ZNF596: variants seen among roughly 807,000 people sequenced by gnomAD.
The protein encoded by ZNF596 is zinc finger protein 596.
ZNF596 carries 45 observed loss-of-function variants against 48.3 expected under a neutral mutation model. That is an observed-to-expected ratio of 0.93 (90% confidence interval 0.73 to 1.19). ZNF596 has a LOEUF of 1.19. ZNF596 is among the 50% of genes most tolerant of loss of function. ZNF596 has a pLI of 0.00. For synonymous variants in ZNF596, 270 were observed against 202.0 expected (o/e 1.34, Z -2.85); for missense variants, 848 against 599.7 (o/e 1.41, Z -4.32).
At position 245,849 on chromosome 8, in the gene ZNF596, A is replaced by G; in HGVS notation, c.1002A>G (p.Pro334=). ...AAAGAACTCACAATGGAGAGAAACC[A>G]TATGAATGTCATCTATGTGGAAAAG... ...QHERTHNGEK[P]YECHLCGKAF... is the part of the protein sequence containing the mutation. Residue 334 remains proline, a synonymous_variant, in exon 6 of 6, where the codon CCA becomes CCG. Transcript: ENST00000398612. 1 of 1,614,108 alleles carries G rather than the reference A, an allele frequency of 6.2e-7. No homozygotes were observed. The highest frequency in any genetic ancestry group is 2.2e-5 in the East Asian group (1 of 44,874).
chr8:238,145 T>C (rs1396074411), intron 1 of ZNF596, among the ~76,000 whole-genome samples: 1 of 152,198 alleles, frequency 6.6e-6, no homozygotes, highest in Admixed American at 6.5e-5. Context: ...CTTGGATGTC[T>C]TTCTTATACC....
chr8:245,676 A>G lies in ZNF596; in HGVS notation c.829A>G (p.Lys277Glu). 1.2e-6 allele frequency: 2 copies of G among 1,614,084 alleles called. No individual in the cohort carries two copies. The highest frequency in any genetic ancestry group is 1.7e-6 in the Non-Finnish European group (2 of 1,179,998). Residue 277 changes from lysine to glutamate, a missense_variant, in exon 6 of 6, where the codon AAA becomes GAA. Physicochemically the swap from Lys to Glu is moderately conservative, Grantham distance 56. Coordinates refer to ENST00000398612, the MANE Select transcript of ZNF596 (RefSeq NM_001042416.3). ...ACATGAGATGATTCACACTAGAGAA[A>G]AAGCACAGATATGCCATCTATGTGG... ...RRHEMIHTRE[K>E]AQICHLCGKA...
intron 2 of ZNF596, among the ~76,000 whole-genome samples, chr8:241,274 G>C (rs1796844618): frequency 6.6e-6 from 1 of 152,124 alleles, no homozygotes; most frequent in Non-Finnish European, 1.5e-5. Flanking sequence ...ATGTGGGTAG[G>C]TGGTGAAAAT....
intron 3 of ZNF596, 23 bp from the exon 4 acceptor site, chr8:243,699 A>G (rs202085971): frequency 1.2e-6 from 2 of 1,611,624 alleles, no homozygotes; most frequent in Admixed American, 1.7e-5. Flanking sequence ...CTCAAAATCC[A>G]TGTATCTTTT....
chr8:237,741 A>T (rs1028430682), intron 1 of ZNF596: 1 of 152,224 alleles, frequency 6.6e-6, no homozygotes, highest in African/African-American at 2.4e-5. Flanking sequence ...AGCCACATAC[A>T]CTTTATTGAA....
chr8:233,061 G>A, intron 1 of ZNF596: 1 of 468,462 alleles, frequency 2.1e-6, no homozygotes, highest in South Asian at 1.5e-5. Context: ...TGGGGCAGGA[G>A]AGTGAGGAGA....
chr8:245,789 G>A lies in ZNF596; in HGVS notation c.942G>A (p.Lys314=), dbSNP rs745651785. 1.2e-6 allele frequency: 2 copies of A among 1,613,412 alleles called. No homozygotes were observed. ...DKPYGCLLCG[K]AFSKCSYLRQ... Reference sequence around the variant, plus strand: ...CATATGGATGTCTCCTATGTGGGAAGGCTTTCAGTAAATGTTCTTACCTTA... The same window carrying A: ...CATATGGATGTCTCCTATGTGGGAAAGCTTTCAGTAAATGTTCTTACCTTA... Residue 314 remains lysine (K), a synonymous_variant, in exon 6 of 6, where the codon AAG becomes AAA. Transcript: ENST00000398612.
chr8:242,232 T>G (rs1796880567), intron 2 of ZNF596, among the ~76,000 whole-genome samples: 2 of 151,314 alleles, frequency 1.3e-5, no homozygotes, highest in Non-Finnish European at 1.5e-5. Flanking sequence ...TTCATCCTTA[T>G]CCATTAACAG....
intron 5 of ZNF596, 46 bp from the exon 6 acceptor site, chr8:245,108 G>C (rs146195146): frequency 1.3e-6 from 2 of 1,520,778 alleles, no homozygotes; most frequent in East Asian, 2.3e-5. Context: ...TAATGAATGA[G>C]TGTGGATAAA....
intron 2 of ZNF596, 41 bp from the exon 3 acceptor site, chr8:242,846 G>C (rs2117100419): frequency 7.0e-7 from 1 of 1,429,006 alleles, no homozygotes; most frequent in East Asian, 2.4e-5. Flanking sequence ...AACATTGGCA[G>C]AGATAGCCCT....
chr8:239,763 G>A lies in ZNF596; in HGVS notation c.-72-1061G>A, dbSNP rs562649310. Among the ~76,000 whole-genome samples, 3 of 152,206 alleles carry A rather than the reference G, an allele frequency of 2.0e-5. No homozygotes were observed. In the South Asian group the frequency reaches 6.2e-4, roughly 32 times the overall value. On this transcript the variant is annotated intron_variant, in intron 1 of 5. Coordinates refer to ENST00000398612, the MANE Select transcript of ZNF596 (RefSeq NM_001042416.3). Reference sequence around the variant, plus strand: ...AATCCCATCATTCAGGGATTTTTATGTGGTGTTCATCAAGTAGGCATAATT... The same window carrying A: ...AATCCCATCATTCAGGGATTTTTATATGGTGTTCATCAAGTAGGCATAATT...
chr8:242,156 A>T (rs1241697079), intron 2 of ZNF596, among the ~76,000 whole-genome samples: 2 of 152,318 alleles, frequency 1.3e-5, no homozygotes, highest in East Asian at 3.9e-4. Context: ...GACCATGGAA[A>T]GTGGCAGGAT....
intron 1 of ZNF596, chr8:237,081 G>A (rs978140744): frequency 7.8e-6 from 1 of 128,890 alleles, no homozygotes; most frequent in African/African-American, 2.9e-5. Context: ...TGATTAATGA[G>A]GGAAAGTTTT....
chr8:240,501 G>A (rs993976723), intron 1 of ZNF596: 10 of 197,024 alleles, frequency 5.1e-5, no homozygotes, highest in African/African-American at 1.9e-4. Flanking sequence ...TTATCTGTAG[G>A]TGGAGCCACA....
Position 245,685 on chromosome 8 carries a change from A to C in ZNF596, c.838A>C (p.Ile280Leu). The part of the protein sequence containing the change: ...EMIHTREKAQ[I>L]CHLCGKAFTH... ...GATTCACACTAGAGAAAAAGCACAG[A>C]TATGCCATCTATGTGGGAAAGCCTT... The change falls in exon 6 of 6, where the codon ATA becomes CTA. Residue 280 changes from isoleucine to leucine, a missense_variant. Coordinates refer to ENST00000398612, the MANE Select transcript of ZNF596 (RefSeq NM_001042416.3). 1 of 1,613,716 alleles carries C rather than the reference A, an allele frequency of 6.2e-7. No homozygotes were observed. The highest frequency in any genetic ancestry group is 8.5e-7 in the Non-Finnish European group (1 of 1,179,902).
At chr8:243,997 C>G (rs976156371) in intron 4 of ZNF596, 192 bp downstream of exon 4, 1 of 426,336 alleles carries the variant, frequency 2.3e-6, no homozygotes, top group African/African-American at 2.1e-5. Context: ...AAGTGATTCT[C>G]TTGCCTCAGC....
At position 244,599 on chromosome 8, in the gene ZNF596, T is replaced by C; in HGVS notation, c.224-20T>C. On this transcript the variant is annotated intron_variant, in intron 4 of 5. Transcript: ENST00000398612. Reference sequence around the variant, plus strand: ...TCCCCTAATGCCTATATAGCATCTTTTTTTTTTCATTTATTTCAGGTAGAG... The same window carrying C: ...TCCCCTAATGCCTATATAGCATCTTCTTTTTTTCATTTATTTCAGGTAGAG... The C allele has an allele frequency of 6.3e-7, 1 of 1,588,166 alleles. No homozygotes were observed. The highest frequency in any genetic ancestry group is 2.2e-5 in the East Asian group (1 of 44,714).
intron 2 of ZNF596, 113 bp from the exon 3 acceptor site, chr8:242,774 T>G (rs985385325): frequency 4.8e-6 from 5 of 1,036,834 alleles, no homozygotes; most frequent in Non-Finnish European, 6.4e-6. Context: ...AACACTGTTT[T>G]GAGTTTTCTG....
chr8:245,751 T>C lies in ZNF596; in HGVS notation c.904T>C (p.Leu302=). 1 of 1,611,102 alleles carries C rather than the reference T, an allele frequency of 6.2e-7. No homozygotes were observed. ...SDLRKHERTH[L]GDKPYGCLLC... The stretch of plus-strand genomic sequence containing the variant: ...CCTTAGAAAACATGAGAGAACTCAC[T>C]TAGGAGATAAACCATATGGATGTCT... The change falls in exon 6 of 6, where the codon TTA becomes CTA. Residue 302 remains leucine, a synonymous_variant. Coordinates refer to ENST00000398612, the MANE Select transcript of ZNF596 (RefSeq NM_001042416.3).
Sources: gnomAD v4.1 joint callset for allele counts (sites outside exome capture counted in the v4.1 genomes callset) on GRCh38, gnomAD v4.1.1 for gene constraint, MANE v1.5 for transcripts, NCBI Gene and HGNC (gene_info 2026-07-23, HGNC 2026-07-21) for gene names.